NEDD9: variants seen among roughly 807,000 people sequenced by gnomAD.
The protein encoded by NEDD9 is enhancer of filamentation 1.
NEDD9 carries 26 observed loss-of-function variants against 76.6 expected under a neutral mutation model. The observed-to-expected ratio is 0.34, with a 90% CI of 0.25 to 0.47. NEDD9 has a LOEUF of 0.47. Among genes scored for constraint, NEDD9 ranks in the 20% least tolerant of loss-of-function variants. The probability of loss-of-function intolerance (pLI) is 1.00; values close to 1 mark genes in which losing one functional copy is unlikely to be tolerated. For missense variants in NEDD9, 937 were observed against 1,058.5 expected, an observed-to-expected ratio of 0.89 and a Z score of 1.59; for synonymous variants, 392 against 414.2, an observed-to-expected ratio of 0.95 and a Z score of 0.65.
intron 2 of NEDD9, among the ~76,000 whole-genome samples, chr6:11,324,798 C>G (rs1215236106): frequency 1.3e-5 from 2 of 152,160 alleles, no homozygotes; most frequent in African/African-American, 4.8e-5. Flanking sequence ...GGGAGGGACA[C>G]TGACAGCCCT....
At chr6:11,209,641 C>T (rs1036645073) in intron 2 of NEDD9, among the ~76,000 whole-genome samples, 8 of 152,172 alleles carry the variant, frequency 5.3e-5, no homozygotes, top group Non-Finnish European at 7.3e-5. Context: ...TTAATTCTCA[C>T]GACAGCCTAT....
In NEDD9 at chr6:11,190,131, G is replaced by A. The variant is rs201488134; in HGVS notation, c.1738C>T (p.Pro580Ser). 1.2e-6 allele frequency: 2 copies of A among 1,613,516 alleles called. No individual in the cohort carries two copies. Among genetic ancestry groups the A allele is most frequent in the Non-Finnish European group, 1.7e-6 (2 of 1,179,670 alleles). ...AGCTGTCCCTGGGAGCCACCGTGTG[G>A]GTACTCCGTTGAGTTCATGATGCTC... ...PESIMNSTEY[P>S]HGGSQGQLLH... Residue 580 changes from proline to serine, a missense_variant, in exon 5 of 7, where the codon CCA becomes TCA. By Grantham distance (74) the Pro-to-Ser change is moderately conservative (BLOSUM62 -1). Transcript: ENST00000379446. This position sits in a 1 kb window ranked among gnomAD's most constrained non-coding sequence, Gnocchi z 5.8.
chr6:11,217,343 C>G (rs1282722791), intron 1 of NEDD9, among the ~76,000 whole-genome samples: 2 of 152,200 alleles, frequency 1.3e-5, no homozygotes, highest in African/African-American at 4.8e-5. Flanking sequence ...GATCTGCTAT[C>G]TTAGAAAAAC....
intron 2 of NEDD9, among the ~76,000 whole-genome samples, chr6:11,313,101 G>C (rs1374552508): frequency 1.3e-5 from 2 of 151,956 alleles, no homozygotes; most frequent in Non-Finnish European, 2.9e-5. Context: ...TAGATAGATG[G>C]ATGGGTAGAT....
intron 3 of NEDD9, among the ~76,000 whole-genome samples, chr6:11,264,331 C>T (rs1394536895): frequency 6.6e-6 from 1 of 152,170 alleles, no homozygotes; most frequent in Non-Finnish European, 1.5e-5. Context: ...AATCAGGGCT[C>T]TGTGAGGAAC....
At chr6:11,332,013 G>A (rs1044518073) in intron 2 of NEDD9, among the ~76,000 whole-genome samples, 1 of 152,190 alleles carries the variant, frequency 6.6e-6, no homozygotes, top group Non-Finnish European at 1.5e-5. Flanking sequence ...AACATGAAAA[G>A]CATTGTCATT....
At chr6:11,319,146 C>T (rs1219001593) in intron 2 of NEDD9, among the ~76,000 whole-genome samples, 1 of 152,232 alleles carries the variant, frequency 6.6e-6, no homozygotes, top group African/African-American at 2.4e-5. Flanking sequence ...TGAAAAGATT[C>T]CCCTGGCTCT....
At position 11,232,436 on chromosome 6, in the gene NEDD9, T is replaced by C. The variant is rs1004184226; in HGVS notation, c.12+68A>G. 2.5e-6 allele frequency: 4 copies of C among 1,594,618 alleles called. No homozygotes were observed. In the African/African-American group the frequency reaches 4.0e-5, roughly 16 times the overall value. On this transcript the variant is annotated intron_variant, in intron 1 of 6. Coordinates refer to ENST00000379446, the MANE Select transcript of NEDD9 (RefSeq NM_006403.4). ...AGGGACTGACAGTAAGGAACACGCA[T>C]ACACAAGCACACACCCGCAGGCACA...
chr6:11,201,857 C>A lies in NEDD9; in HGVS notation c.460-8165G>T, dbSNP rs549441953. ...GAGTCTAAGTCTCTACAATCCAAAG[C>A]AACATTACAAATAGCCTGAATTGTG... On this transcript the variant is annotated intron_variant, in intron 2 of 6. Coordinates refer to ENST00000379446, the MANE Select transcript of NEDD9 (RefSeq NM_006403.4). Among the ~76,000 whole-genome samples, 6 of 152,258 alleles carry A rather than the reference C, an allele frequency of 3.9e-5. 1 individual carries two copies. In the South Asian group the frequency reaches 1.2e-3, roughly 32 times the overall value.
intron 3 of NEDD9, among the ~76,000 whole-genome samples, chr6:11,267,385 A>G (rs1340584681): frequency 9.0e-6 from 1 of 110,786 alleles, no homozygotes; most frequent in Non-Finnish European, 1.9e-5. Context: ...ATGTCTTTGA[A>G]AAAAAAAAAA....
chr6:11,347,347 G>T (rs1762381715), intron 1 of NEDD9, among the ~76,000 whole-genome samples: 1 of 152,088 alleles, frequency 6.6e-6, no homozygotes, highest in African/African-American at 2.4e-5. Context: ...AATTCTACCA[G>T]ATGTACAAAG....
intron 1 of NEDD9, among the ~76,000 whole-genome samples, chr6:11,378,465 T>C (rs1763004915): frequency 6.6e-6 from 1 of 152,186 alleles, no homozygotes; most frequent in Admixed American, 6.5e-5. Context: ...CAGGTATTTA[T>C]AGCCACACAA....
At chr6:11,196,286 A>G (rs1302935457) in intron 2 of NEDD9, among the ~76,000 whole-genome samples, 1 of 152,206 alleles carries the variant, frequency 6.6e-6, no homozygotes, top group African/African-American at 2.4e-5. Flanking sequence ...CCTGGGTGAC[A>G]GAGAGAGACT....
chr6:11,272,910 G>C (rs990183544), intron 3 of NEDD9, among the ~76,000 whole-genome samples: 1 of 152,134 alleles, frequency 6.6e-6, no homozygotes. Flanking sequence ...ATAGCTGTTT[G>C]CTGGATTTTC....
Position 11,305,196 on chromosome 6 carries a change from T to C in NEDD9, c.12+796A>G, listed in dbSNP as rs552076660. 3 of 1,207,620 alleles carry C rather than the reference T, an allele frequency of 2.5e-6. No homozygotes were observed. In the South Asian group the frequency reaches 3.9e-5, roughly 16 times the overall value. The allele number at this position is 1,207,620 out of a possible 1,614,324, so 74.8% of individuals were successfully genotyped here. ...AAAACAGTTGATCGATCTCAATAGA[T>C]AAGGGAATTTACCTTTTTTCATTTT... On this transcript the variant is annotated intron_variant, in intron 3 of 3. Transcript: ENST00000397378.
chr6:11,196,415 C>T (rs1199218352), intron 2 of NEDD9, among the ~76,000 whole-genome samples: 1 of 152,178 alleles, frequency 6.6e-6, no homozygotes, highest in Non-Finnish European at 1.5e-5. Flanking sequence ...ACACATAGCA[C>T]GACCTCAGAA....
At chr6:11,222,368 A>G (rs1759167271) in intron 1 of NEDD9, among the ~76,000 whole-genome samples, 1 of 152,250 alleles carries the variant, frequency 6.6e-6, no homozygotes, top group Admixed American at 6.5e-5. Flanking sequence ...AGAGAGTTTT[A>G]GAAAACAGAT....
intron 3 of NEDD9, among the ~76,000 whole-genome samples, chr6:11,192,892 C>T (rs1434103060): frequency 7.9e-6 from 1 of 127,046 alleles, no homozygotes; most frequent in Non-Finnish European, 1.6e-5. Context: ...GAGATCGTGC[C>T]ACTGCACTCC....
chr6:11,314,461 T>C (rs867292042), intron 2 of NEDD9, among the ~76,000 whole-genome samples: 1 of 152,108 alleles, frequency 6.6e-6, no homozygotes. Context: ...GGACCAAGCA[T>C]GGGTAAAAAT....
Sources: allele counts gnomAD v4.1 joint callset (sites outside exome capture counted in the v4.1 genomes callset), GRCh38; gene constraint gnomAD v4.1.1; non-coding constraint Gnocchi (gnomAD v3.1); transcripts MANE v1.5; gene names NCBI Gene and HGNC (gene_info 2026-07-23, HGNC 2026-07-21).